Variants in GNPDA1 observed in about 807,000 individuals in gnomAD.
GNPDA1 encodes the protein glucosamine-6-phosphate deaminase 1.
GNPDA1 carries 24 observed loss-of-function variants against 28.5 expected under a neutral mutation model. That is an observed-to-expected ratio of 0.84 (90% CI 0.61 to 1.19). The LOEUF is 1.19. Among genes scored for constraint, GNPDA1 ranks in the 50% most tolerant of loss-of-function variants. The probability of loss-of-function intolerance (pLI) is 0.00; values close to 1 mark genes in which losing one functional copy is unlikely to be tolerated. For missense variants in GNPDA1, 264 were observed against 367.3 expected, an observed-to-expected ratio of 0.72 and a Z score of 2.30; for synonymous variants, 147 against 139.3, an observed-to-expected ratio of 1.06 and a Z score of -0.39.
chr5:142,008,223 T>A (rs1208344099), intron 2 of GNPDA1, among the ~76,000 whole-genome samples: 2 of 152,232 alleles, frequency 1.3e-5, no homozygotes, highest in African/African-American at 2.4e-5. Context: ...TGATACTCCC[T>A]GAACAAGTAA....
At chr5:142,009,684 C>T (rs1040973500) in intron 2 of GNPDA1, among the ~76,000 whole-genome samples, 1 of 152,134 alleles carries the variant, frequency 6.6e-6, no homozygotes, top group Non-Finnish European at 1.5e-5. Flanking sequence ...TTCCTCTCTC[C>T]TGCCATTTTC....
At chr5:142,010,364 G>T (rs1243573847) in intron 2 of GNPDA1, among the ~76,000 whole-genome samples, 1 of 152,022 alleles carries the variant, frequency 6.6e-6, no homozygotes, top group Non-Finnish European at 1.5e-5. Flanking sequence ...TCACCATGTT[G>T]GCCAGGCTGG....
In GNPDA1 at chr5:142,002,034, C is replaced by G; in HGVS notation, c.865G>C (p.Asp289His). Residue 289 changes from aspartate (D) to histidine (H), a missense_variant, in exon 7 of 7, where the codon GAT (aspartate) becomes CAT (histidine). Transcript: ENST00000311337. ...KSQSSKKPYS[D>H] is the part of the protein sequence containing the mutation. ...ACACTAGGTCCCAGCACAGGCTAAT[C>G]GCTGTATGGTTTCTTCGAAGATTGG... 6.5e-7 allele frequency: 1 copy of G among 1,546,680 alleles called. No homozygotes were observed. The highest frequency in any genetic ancestry group is 8.9e-7 in the Non-Finnish European group (1 of 1,118,806).
At chr5:142,006,101 G>A (rs1445160611) in intron 4 of GNPDA1, 43 bp downstream of exon 4, 3 of 1,523,974 alleles carry the variant, frequency 2.0e-6, no homozygotes, top group East Asian at 2.3e-5. Flanking sequence ...TCCTTCCCAC[G>A]GGTCTGGCCC....
In GNPDA1 at chr5:142,001,872, G is replaced by A. The variant is rs1755685671; in HGVS notation, c.*157C>T. The A allele has an allele frequency of 2.3e-6, 1 of 441,162 alleles. No individual in the cohort carries two copies. The allele number at this position is 441,162 out of a possible 1,614,324, so 27.3% of individuals were successfully genotyped here. A position where few individuals can be genotyped will look rare whatever the true frequency, so the allele number is the denominator to read the frequency against. ...CATTCTCCCTATAGCTAAACTCCGT[G>A]ACTAGGCTCCCAGCCTCATGGCCAA... On this transcript the variant is annotated 3_prime_UTR_variant, in exon 7 of 7. Transcript: ENST00000311337.
Position 142,003,416 on chromosome 5 carries a change from G to A in GNPDA1, c.595-154C>T, listed in dbSNP as rs1221644516. 2.6e-5 allele frequency among the ~76,000 whole-genome samples: 4 copies of A among 152,110 alleles called. No homozygotes were observed. Among genetic ancestry groups the A allele is most frequent in the Non-Finnish European group, 5.9e-5 (4 of 68,018 alleles). On this transcript the variant is annotated intron_variant, in intron 5 of 6. Transcript: ENST00000311337. The surrounding 1 kb of genome is among the most constrained non-coding windows in gnomAD (Gnocchi z 4.0). Reference sequence around the variant, plus strand: ...CTGTGCTTTATCACACAAATAACCCGAGGCAGGCAGCATCATTATCTCCAT... The same window carrying A: ...CTGTGCTTTATCACACAAATAACCCAAGGCAGGCAGCATCATTATCTCCAT...
chr5:142,006,022 C>T (rs1307104943), intron 4 of GNPDA1, 122 bp downstream of exon 4: 6 of 763,510 alleles, frequency 7.9e-6, no homozygotes, highest in African/African-American at 3.5e-5. Context: ...CCATTTCTCC[C>T]GCCTCTGTCT....
chr5:142,001,306 A>G lies in GNPDA1; in HGVS notation c.*723T>C, dbSNP rs531258136. 6.6e-6 allele frequency: 1 copy of G among 152,354 alleles called. No individual in the cohort carries two copies. Among genetic ancestry groups the G allele is most frequent in the African/African-American group, 2.4e-5 (1 of 41,530 alleles). 9.4% of individuals were successfully genotyped at this position (152,354 alleles called of 1,614,324 possible). ...AAAAACACAGGGCTCTGGGGGAAAA[A>G]CGGCTTCCACCTTCTGCCTTTTGGT... On this transcript the variant is annotated 3_prime_UTR_variant, in exon 7 of 7. Transcript: ENST00000311337.
At chr5:142,004,587 C>T (rs1479501038) in intron 5 of GNPDA1, among the ~76,000 whole-genome samples, 2 of 152,198 alleles carry the variant, frequency 1.3e-5, no homozygotes, top group Admixed American at 1.3e-4. Flanking sequence ...ACAAGGGAAC[C>T]CCTCTCTCCA....
At chr5:142,004,893 G>A in intron 5 of GNPDA1, 39 bp downstream of exon 5, 1 of 1,375,416 alleles carries the variant, frequency 7.3e-7, no homozygotes, top group Non-Finnish European at 1.0e-6. Context: ...AGAAAGACAA[G>A]TCCACCAGCG....
At chr5:142,009,248 CT>C (rs1561573192) in intron 2 of GNPDA1, among the ~76,000 whole-genome samples, 1 of 152,058 alleles carries the variant, frequency 6.6e-6, no homozygotes, top group East Asian at 1.9e-4. Context: ...CATGTCACCC[CT>C]CTTTTCAAAA....
rs1216218310 is a variant in GNPDA1 at position 142,001,276 on chromosome 5, T to C, written c.*753A>G. On this transcript the variant is annotated 3_prime_UTR_variant, in exon 7 of 7. Transcript: ENST00000311337. ...AAAACAGAGGAGCCACAGTGAGGCT[T>C]TCACAAAAACACAGGGCTCTGGGGG... 1 of 152,294 alleles carries C rather than the reference T, an allele frequency of 6.6e-6. No homozygotes were observed. The highest frequency in any genetic ancestry group is 2.4e-5 in the African/African-American group (1 of 41,428). 9.4% of individuals were successfully genotyped at this position (152,294 alleles called of 1,614,324 possible).
At chr5:142,012,810 G>T in intron 1 of GNPDA1, 185 bp downstream of exon 1, 1 of 295,122 alleles carries the variant, frequency 3.4e-6, no homozygotes, top group Non-Finnish European at 5.0e-6. Flanking sequence ...GGTGGCCCGC[G>T]CGGTCGTCGG....
chr5:142,004,238 G>A (rs1755746801), intron 5 of GNPDA1, among the ~76,000 whole-genome samples: 1 of 152,116 alleles, frequency 6.6e-6, no homozygotes, highest in South Asian at 2.1e-4. Context: ...AGAAATCTGG[G>A]TGCCATCACT....
Position 142,006,124 on chromosome 5 carries a change from C to T in GNPDA1, c.409+20G>A. Reference sequence around the variant, plus strand: ...ACGGGTCTGGCCCTGGACATGTGTGCTGCAGAGTGTCAAGCTCACCTCCAA... The same window carrying T: ...ACGGGTCTGGCCCTGGACATGTGTGTTGCAGAGTGTCAAGCTCACCTCCAA... On this transcript the variant is annotated intron_variant, in intron 4 of 6. Coordinates refer to ENST00000311337, the MANE Select transcript of GNPDA1 (RefSeq NM_005471.5). The T allele has an allele frequency of 6.3e-7, 1 of 1,599,830 alleles. No individual in the cohort carries two copies. Among genetic ancestry groups the T allele is most frequent in the Non-Finnish European group, 8.5e-7 (1 of 1,169,954 alleles).
At chr5:142,008,596 A>G (rs1755863704) in intron 2 of GNPDA1, among the ~76,000 whole-genome samples, 1 of 152,182 alleles carries the variant, frequency 6.6e-6, no homozygotes, top group Non-Finnish European at 1.5e-5. Context: ...GCATGGTGGC[A>G]TGTGCCTGTA....
At chr5:142,002,676 C>T (rs1755704158) in intron 6 of GNPDA1, among the ~76,000 whole-genome samples, 1 of 152,064 alleles carries the variant, frequency 6.6e-6, no homozygotes, top group East Asian at 1.9e-4. Context: ...ATCACTTAAG[C>T]CCGGGAGGTG....
rs905020478 is a variant in GNPDA1 at position 142,009,213 on chromosome 5, G to GA, written c.125-1314dup. Among the ~76,000 whole-genome samples the GA allele has an allele frequency of 2.1e-3, 316 of 151,592 alleles. 2 individuals are homozygous for GA. The highest frequency in any genetic ancestry group is 7.4e-3 in the African/African-American group (306 of 41,310). On this transcript the variant is annotated intron_variant, in intron 2 of 6. Coordinates refer to ENST00000311337, the MANE Select transcript of GNPDA1 (RefSeq NM_005471.5). The stretch of plus-strand genomic sequence containing the variant: ...AATTTTGCAAACTAAAAAAATGAAA[G>GA]AAAAAAAACCCATCGAGATTACGTC...
chr5:142,003,988 C>G lies in GNPDA1; in HGVS notation c.595-726G>C, dbSNP rs1755740314. Among the ~76,000 whole-genome samples, 1 of 152,206 alleles carries G rather than the reference C, an allele frequency of 6.6e-6. No homozygotes were observed. The highest frequency in any genetic ancestry group is 6.5e-5 in the Admixed American group (1 of 15,278). On this transcript the variant is annotated intron_variant, in intron 5 of 6. Transcript: ENST00000311337. This position sits in a 1 kb window ranked among gnomAD's most constrained non-coding sequence, Gnocchi z 4.0. ...GCCACAGAGTTGTGAACAGGATTTA[C>G]TGTTCCTTTCTTAAAAGATTAGAAT...
Sources: gnomAD v4.1 joint callset for allele counts (sites outside exome capture counted in the v4.1 genomes callset) on GRCh38, gnomAD v4.1.1 for gene constraint, Gnocchi (gnomAD v3.1) non-coding constraint, MANE v1.5 for transcripts, NCBI Gene and HGNC (gene_info 2026-07-23, HGNC 2026-07-21) for gene names.